DKK2: variants seen among roughly 807,000 people sequenced by gnomAD.
DKK2 encodes dickkopf-related protein 2.
In DKK2, 11 loss-of-function variants were observed where a neutral mutation model predicts 28.1. The observed-to-expected ratio is 0.39, with a 90% CI of 0.25 to 0.65. The LOEUF is 0.65. DKK2 is among the 30% of genes least tolerant of loss of function. DKK2 has a pLI of 0.47. For synonymous variants in DKK2, 135 were observed against 126.5 expected (o/e 1.07, Z -0.45); for missense variants, 326 against 335.5 (o/e 0.97, Z 0.22).
chr4:106,926,222 T>C (rs1230909380), intron 1 of DKK2, among the ~76,000 whole-genome samples: 1 of 152,178 alleles, frequency 6.6e-6, no homozygotes, highest in Non-Finnish European at 1.5e-5. Context: ...AGACTTTTAT[T>C]GATTCATAGG....
At chr4:106,968,723 G>A (rs183128796) in intron 1 of DKK2, among the ~76,000 whole-genome samples, 11 of 152,076 alleles carry the variant, frequency 7.2e-5, no homozygotes, top group African/African-American at 1.9e-4. Flanking sequence ...TCCATATGGC[G>A]TTCTGGACAG....
intron 1 of DKK2, among the ~76,000 whole-genome samples, chr4:106,960,926 C>G (rs1406453134): frequency 6.6e-6 from 1 of 152,048 alleles, no homozygotes; most frequent in African/African-American, 2.4e-5. Flanking sequence ...CATAGGCCTG[C>G]TCTACTTGAG....
rs555964561 is a variant in DKK2 at position 106,969,169 on chromosome 4, T to G, written c.223-43220A>C. ...CCATTTCTTAATCTTTGCTCAGAAT[T>G]GATGCTGGGCTTCCTTTGCTCTGCT... On this transcript the variant is annotated intron_variant, in intron 1 of 3. Transcript: ENST00000285311. Among the ~76,000 whole-genome samples the G allele has an allele frequency of 2.0e-5, 3 of 152,084 alleles. No individual in the cohort carries two copies. In the East Asian group the frequency reaches 5.8e-4, roughly 30 times the overall value.
intron 1 of DKK2, among the ~76,000 whole-genome samples, chr4:106,987,040 A>AT (rs1723129666): frequency 6.6e-6 from 1 of 152,232 alleles, no homozygotes; most frequent in South Asian, 2.1e-4. Flanking sequence ...GCAAAGGCAG[A>AT]TTTTTTAATT....
intron 1 of DKK2, among the ~76,000 whole-genome samples, chr4:106,937,677 C>G (rs1189114152): frequency 1.4e-5 from 2 of 147,132 alleles, no homozygotes; most frequent in African/African-American, 5.0e-5. Context: ...TTTTTCAGCA[C>G]CACACCACAC....
At chr4:106,954,679 G>A (rs761433176) in intron 1 of DKK2, among the ~76,000 whole-genome samples, 20 of 152,048 alleles carry the variant, frequency 1.3e-4, no homozygotes, top group East Asian at 1.9e-4. Flanking sequence ...GTGCCACCAC[G>A]CCTGGCTATT....
intron 1 of DKK2, among the ~76,000 whole-genome samples, chr4:106,934,959 G>A (rs1724557425): frequency 6.6e-6 from 1 of 152,134 alleles, no homozygotes; most frequent in Non-Finnish European, 1.5e-5. Context: ...TATCCCTCAG[G>A]TGTGCTGGTG....
chr4:107,026,644 C>T (rs1723784831), intron 1 of DKK2, among the ~76,000 whole-genome samples: 2 of 152,138 alleles, frequency 1.3e-5, no homozygotes, highest in African/African-American at 4.8e-5. Flanking sequence ...CAGACCAGAG[C>T]ACAGAATGAA....
intron 1 of DKK2, among the ~76,000 whole-genome samples, chr4:107,013,984 A>C (rs1279688811): frequency 1.3e-5 from 2 of 151,584 alleles, no homozygotes; most frequent in East Asian, 3.9e-4. Context: ...AAAAAGACAA[A>C]ATAACAAATA....
chr4:107,008,904 G>A (rs977406051), intron 1 of DKK2, among the ~76,000 whole-genome samples: 4 of 151,908 alleles, frequency 2.6e-5, no homozygotes, highest in Non-Finnish European at 5.9e-5. Context: ...GCAGAAATAT[G>A]ACATAGAAAC....
chr4:106,967,311 G>A (rs1334956381), intron 1 of DKK2, among the ~76,000 whole-genome samples: 1 of 152,106 alleles, frequency 6.6e-6, no homozygotes, highest in East Asian at 1.9e-4. Flanking sequence ...GAAGAACCTG[G>A]TCTAGACTAA....
chr4:106,935,286 G>A (rs970323825), intron 1 of DKK2, among the ~76,000 whole-genome samples: 1 of 152,222 alleles, frequency 6.6e-6, no homozygotes, highest in Non-Finnish European at 1.5e-5. Context: ...AGCAGGGCGA[G>A]GCATTGCCTC....
Position 106,950,003 on chromosome 4 carries a change from C to T in DKK2, c.223-24054G>A, listed in dbSNP as rs573143543. ...ATGTTAAGAGCTTTACAGGCAATGA[C>T]TGCTGTGTGAAGGCTTCTGGAGAGT... On this transcript the variant is annotated intron_variant, in intron 1 of 3. Coordinates refer to ENST00000285311, the MANE Select transcript of DKK2 (RefSeq NM_014421.3). Among the ~76,000 whole-genome samples the T allele has an allele frequency of 1.3e-4, 20 of 152,278 alleles. No homozygotes were observed. In the Middle Eastern group the frequency reaches 0.01, roughly 78 times the overall value.
rs1428171862 is a variant in DKK2 at position 106,995,758 on chromosome 4, G to T, written c.222+39612C>A. Among the ~76,000 whole-genome samples, 3 of 152,200 alleles carry T rather than the reference G, an allele frequency of 2.0e-5. No homozygotes were observed. In the South Asian group the frequency reaches 6.2e-4, roughly 32 times the overall value. On this transcript the variant is annotated intron_variant, in intron 1 of 3. Coordinates refer to ENST00000285311, the MANE Select transcript of DKK2 (RefSeq NM_014421.3). ...CTCCCAAGTAGCTGGGACTACAAGC[G>T]TGTCCCACCATGCCAGGCTAATTTT...
At chr4:106,992,276 A>C (rs967979719) in intron 1 of DKK2, among the ~76,000 whole-genome samples, 1 of 152,200 alleles carries the variant, frequency 6.6e-6, no homozygotes, top group Non-Finnish European at 1.5e-5. Context: ...ACTGTGATTA[A>C]GTACCAAATT....
chr4:107,011,883 T>A (rs1723523931), intron 1 of DKK2, among the ~76,000 whole-genome samples: 1 of 151,464 alleles, frequency 6.6e-6, no homozygotes, highest in Non-Finnish European at 1.5e-5. Flanking sequence ...GTATTATTAA[T>A]GAAAAGAGTT....
intron 1 of DKK2, among the ~76,000 whole-genome samples, chr4:107,013,637 A>G (rs112645571): frequency 0.018 from 2,711 of 151,476 alleles, 74 homozygotes; most frequent in African/African-American, 0.06. Context: ...TGGGCAATAA[A>G]TTTTTAGATA....
chr4:106,964,715 C>A (rs964049903), intron 1 of DKK2, among the ~76,000 whole-genome samples: 1 of 151,986 alleles, frequency 6.6e-6, no homozygotes, highest in Non-Finnish European at 1.5e-5. Context: ...AAGGAGATTA[C>A]CCTGGATAAT....
chr4:106,936,434 T>C (rs1560575240), intron 1 of DKK2, among the ~76,000 whole-genome samples: 2 of 151,986 alleles, frequency 1.3e-5, no homozygotes, highest in South Asian at 2.1e-4. Flanking sequence ...TAAAAAGAAA[T>C]GAGCAAAGCC....
Sources: gnomAD v4.1 joint callset for allele counts (sites outside exome capture counted in the v4.1 genomes callset) on GRCh38, gnomAD v4.1.1 for gene constraint, MANE v1.5 for transcripts, NCBI Gene and HGNC (gene_info 2026-07-23, HGNC 2026-07-21) for gene names.